NRXN1: variants seen among roughly 807,000 people sequenced by gnomAD.
NRXN1 encodes neurexin-1.
NRXN1 carries 39 observed loss-of-function variants against 150.9 expected under a neutral mutation model. The ratio of observed to expected loss-of-function variants is 0.26; its 90% CI spans 0.20 to 0.34. NRXN1 has a LOEUF of 0.34. Ranked by LOEUF, NRXN1 falls within the 10% of genes least tolerant of loss-of-function variation. The pLI, the probability that NRXN1 is intolerant of heterozygous loss-of-function variation, is 1.00. For synonymous variants in NRXN1, 924 were observed against 757.0 expected, an observed-to-expected ratio of 1.22 and a Z score of -3.62; for missense variants, 1,815 against 1,949.9, an observed-to-expected ratio of 0.93 and a Z score of 1.30.
chr2:50,029,754 G>A (rs1688910624), intron 21 of NRXN1, among the ~76,000 whole-genome samples: 1 of 152,096 alleles, frequency 6.6e-6, no homozygotes, highest in Admixed American at 6.6e-5. Flanking sequence ...GTCAGCAGTA[G>A]GGCACATTGG....
chr2:50,821,783 C>G (rs909926402), intron 5 of NRXN1, among the ~76,000 whole-genome samples: 1 of 152,100 alleles, frequency 6.6e-6, no homozygotes, highest in South Asian at 2.1e-4. Context: ...GCAAATTACA[C>G]TGATTTAGCT....
chr2:50,974,914 T>A, intron 2 of NRXN1, among the ~76,000 whole-genome samples: 1 of 152,042 alleles, frequency 6.6e-6, no homozygotes, highest in East Asian at 1.9e-4. Context: ...TCCCTTCCAT[T>A]GTATTTCATT....
intron 17 of NRXN1, among the ~76,000 whole-genome samples, chr2:50,251,505 T>A (rs1379891052): frequency 2.0e-5 from 3 of 152,298 alleles, no homozygotes; most frequent in South Asian, 4.1e-4. Flanking sequence ...TGTACGTGTA[T>A]CTTTATAATA....
chr2:50,536,231 C>G (rs539656211), intron 10 of NRXN1, among the ~76,000 whole-genome samples: 2 of 152,146 alleles, frequency 1.3e-5, no homozygotes, highest in Admixed American at 1.3e-4. Flanking sequence ...TTCTGAAAAG[C>G]AAAGGACTCA....
intron 17 of NRXN1, among the ~76,000 whole-genome samples, chr2:50,255,863 T>A (rs1221543275): frequency 6.6e-6 from 1 of 152,128 alleles, no homozygotes; most frequent in Non-Finnish European, 1.5e-5. Flanking sequence ...TAATTAAAAT[T>A]AATTATTAAG....
chr2:50,660,627 G>C (rs763773782), intron 5 of NRXN1, among the ~76,000 whole-genome samples: 7 of 151,976 alleles, frequency 4.6e-5, no homozygotes, highest in Non-Finnish European at 8.8e-5. Flanking sequence ...GTTAGAACAG[G>C]TGAGAGGCTT....
rs60458241 is a variant in NRXN1, at chr2:50,297,156, T to C, written c.3365-60186A>G. Among the ~76,000 whole-genome samples, 934 of 152,314 alleles carry C rather than the reference T, an allele frequency of 6.1e-3. 15 individuals carry two copies. The highest frequency in any genetic ancestry group is 0.022 in the African/African-American group (905 of 41,566). ...CACCCGCCTCAGCCTCCCAAAGTGC[T>C]GGGATTACAGGCGTGAGCCACCGCA... On this transcript the variant is annotated intron_variant, in intron 17 of 22. Transcript: ENST00000401669.
intron 18 of NRXN1, among the ~76,000 whole-genome samples, chr2:50,105,519 C>T (rs1316341085): frequency 6.6e-6 from 1 of 151,958 alleles, no homozygotes; most frequent in African/African-American, 2.4e-5. Flanking sequence ...TTATAGCCAA[C>T]AGATTTATTT....
rs76106639 is a variant in NRXN1 at position 50,265,165 on chromosome 2, G to A, written c.3365-28195C>T. On this transcript the variant is annotated intron_variant, in intron 17 of 22. Transcript: ENST00000401669. ...TTCTGGGGGACTTTTCATAGAGATAGGCCAACTCACCAATTCTAGGTTTCC... is the reference window on the plus strand; with the variant it reads ...TTCTGGGGGACTTTTCATAGAGATAAGCCAACTCACCAATTCTAGGTTTCC... Among the ~76,000 whole-genome samples, 1,325 of 152,118 alleles carry A rather than the reference G, an allele frequency of 8.7e-3. 12 individuals are homozygous for A. The highest frequency in any genetic ancestry group is 0.031 in the African/African-American group (1,266 of 41,492).
chr2:50,023,720 A>G (rs1275873049), intron 21 of NRXN1: 1 of 152,144 alleles, frequency 6.6e-6, no homozygotes, highest in African/African-American at 2.4e-5. Context: ...CTTGGATCCA[A>G]TCCAAGGACA....
chr2:50,206,344 A>T (rs1194750213), intron 18 of NRXN1, among the ~76,000 whole-genome samples: 1 of 152,080 alleles, frequency 6.6e-6, no homozygotes, highest in Non-Finnish European at 1.5e-5. Context: ...CGAGGTGGTC[A>T]GACCAATTTG....
intron 5 of NRXN1, among the ~76,000 whole-genome samples, chr2:50,635,697 A>G (rs555414925): frequency 4.6e-5 from 7 of 152,234 alleles, no homozygotes; most frequent in African/African-American, 1.7e-4. Flanking sequence ...TTCATTAACA[A>G]TATGTTTTAC....
At chr2:50,662,711 C>T (rs1258467212) in intron 5 of NRXN1, among the ~76,000 whole-genome samples, 3 of 152,038 alleles carry the variant, frequency 2.0e-5, no homozygotes, top group Admixed American at 6.6e-5. Context: ...TTGTTTAGGG[C>T]ATCAAGTAGT....
At chr2:50,120,978 T>G (rs1703772539) in intron 18 of NRXN1, among the ~76,000 whole-genome samples, 1 of 152,216 alleles carries the variant, frequency 6.6e-6, no homozygotes, top group Non-Finnish European at 1.5e-5. Context: ...CACTAAGCAC[T>G]TACAATATGC....
At chr2:50,384,537 G>T (rs1277535440) in intron 17 of NRXN1, among the ~76,000 whole-genome samples, 2 of 130,134 alleles carry the variant, frequency 1.5e-5, no homozygotes, top group South Asian at 2.5e-4. Flanking sequence ...AAAAAAAAAT[G>T]CATCCTCTAC....
At chr2:50,126,008 A>G (rs1704532025) in intron 18 of NRXN1, among the ~76,000 whole-genome samples, 1 of 152,148 alleles carries the variant, frequency 6.6e-6, no homozygotes, top group Admixed American at 6.5e-5. Flanking sequence ...TGTTTTATTC[A>G]ATGGATCATA....
At chr2:50,415,352 A>AT (rs896002274) in intron 17 of NRXN1, among the ~76,000 whole-genome samples, 1 of 152,010 alleles carries the variant, frequency 6.6e-6, no homozygotes, top group African/African-American at 2.4e-5. Context: ...TGTAAGGTGT[A>AT]TTTTTTTATG....
intron 5 of NRXN1, among the ~76,000 whole-genome samples, chr2:50,686,000 T>G (rs1237095086): frequency 6.6e-6 from 1 of 152,130 alleles, no homozygotes; most frequent in Admixed American, 6.6e-5. Flanking sequence ...AAGTATAATT[T>G]CAGGGGCTTG....
chr2:50,358,773 T>C (rs1422931768), intron 17 of NRXN1, among the ~76,000 whole-genome samples: 1 of 152,196 alleles, frequency 6.6e-6, no homozygotes, highest in Non-Finnish European at 1.5e-5. Flanking sequence ...CTGATCCCCA[T>C]GTCTCCTGAT....
Sources: gnomAD v4.1 joint callset for allele counts (sites outside exome capture counted in the v4.1 genomes callset) on GRCh38, gnomAD v4.1.1 for gene constraint, MANE v1.5 for transcripts, NCBI Gene and HGNC (gene_info 2026-07-23, HGNC 2026-07-21) for gene names.